PPP4R2: variants seen among roughly 807,000 people sequenced by gnomAD.
PPP4R2 encodes the protein protein phosphatase 4 regulatory subunit 2.
PPP4R2 carries 13 observed loss-of-function variants against 47.2 expected under a neutral mutation model. The ratio of observed to expected loss-of-function variants is 0.28; its 90% CI spans 0.18 to 0.44. The LOEUF is 0.44. Ranked by LOEUF, PPP4R2 falls within the 20% of genes least tolerant of loss-of-function variation. PPP4R2 has a pLI of 1.00. For synonymous variants in PPP4R2, 151 were observed against 163.3 expected (o/e 0.92, Z 0.57); for missense variants, 421 against 491.2 (o/e 0.86, Z 1.35).
intron 5 of PPP4R2, chr3:73,061,931 C>T: frequency 3.3e-6 from 2 of 598,780 alleles, no homozygotes; most frequent in South Asian, 2.2e-5. Flanking sequence ...TAAAATAATC[C>T]CATACTATAT....
rs1703042632 is a variant in PPP4R2, at chr3:73,068,330, C to A, written c.*2608C>A. The A allele has an allele frequency of 6.6e-6, 1 of 151,672 alleles. No individual in the cohort carries two copies. The highest frequency in any genetic ancestry group is 1.5e-5 in the Non-Finnish European group (1 of 67,964). The allele number at this position is 151,672 out of a possible 1,614,324, so 9.4% of individuals were successfully genotyped here. A position where few individuals can be genotyped will look rare whatever the true frequency, so the allele number is the denominator to read the frequency against. On this transcript the variant is annotated 3_prime_UTR_variant, in exon 9 of 9. Transcript: ENST00000356692. Reference sequence around the variant, plus strand: ...ACCTGTTCTCTAGACTATAACCCAACATGTAAAAAAAATTTGAAGATGGTG... The same window carrying A: ...ACCTGTTCTCTAGACTATAACCCAAAATGTAAAAAAAATTTGAAGATGGTG...
chr3:72,998,662 T>A (rs1002851549), intron 2 of PPP4R2, among the ~76,000 whole-genome samples: 6 of 152,236 alleles, frequency 3.9e-5, no homozygotes, highest in African/African-American at 1.4e-4. Context: ...TTCCAGATGC[T>A]ACAGTTTTGA....
intron 2 of PPP4R2, among the ~76,000 whole-genome samples, chr3:73,012,638 C>T (rs976464960): frequency 1.3e-5 from 2 of 152,114 alleles, no homozygotes; most frequent in African/African-American, 2.4e-5. Flanking sequence ...TGGTTGGATT[C>T]GCGAATGTGG....
rs373207729 is a variant in PPP4R2, at chr3:73,055,898, G to C, written c.288-3139G>C. ...TGGGATTACAGGCGTGAGCCACCGTGCCTGGCCCAGGGTTTTTTATTTTAC... is the reference window on the plus strand; with the variant it reads ...TGGGATTACAGGCGTGAGCCACCGTCCCTGGCCCAGGGTTTTTTATTTTAC... On this transcript the variant is annotated intron_variant, in intron 3 of 8. Transcript: ENST00000356692. 2.4e-4 allele frequency among the ~76,000 whole-genome samples: 36 copies of C among 152,228 alleles called. 1 individual carries two copies. Among genetic ancestry groups the C allele is most frequent in the African/African-American group, 8.4e-4 (35 of 41,540 alleles).
chr3:72,999,503 T>G (rs1168726728), intron 2 of PPP4R2, among the ~76,000 whole-genome samples: 1 of 152,260 alleles, frequency 6.6e-6, no homozygotes, highest in East Asian at 1.9e-4. Flanking sequence ...GGCTGTTTTT[T>G]GATATACAAG....
At chr3:73,031,462 GAA>G (rs1702162668) in intron 2 of PPP4R2, among the ~76,000 whole-genome samples, 1 of 152,136 alleles carries the variant, frequency 6.6e-6, no homozygotes, top group Non-Finnish European at 1.5e-5. Context: ...AGAACCACTT[GAA>G]CCAGGAGGTG....
At chr3:73,009,599 C>G (rs1701682076) in intron 2 of PPP4R2, among the ~76,000 whole-genome samples, 1 of 151,878 alleles carries the variant, frequency 6.6e-6, no homozygotes, top group Non-Finnish European at 1.5e-5. Flanking sequence ...TGCTTCAAAA[C>G]ATCATTAGTA....
chr3:73,028,691 G>T (rs1423450523), intron 2 of PPP4R2, among the ~76,000 whole-genome samples: 1 of 152,034 alleles, frequency 6.6e-6, no homozygotes, highest in Non-Finnish European at 1.5e-5. Flanking sequence ...GCCCGCCTAG[G>T]CCTCCCAAAG....
rs183873375 is a variant in PPP4R2 at position 73,051,735 on chromosome 3, C to T, written c.287+4379C>T. Among the ~76,000 whole-genome samples, 321 of 152,274 alleles carry T rather than the reference C, an allele frequency of 2.1e-3. 1 individual carries two copies. The highest frequency in any genetic ancestry group is 3.8e-3 in the Non-Finnish European group (261 of 68,022). On this transcript the variant is annotated intron_variant, in intron 3 of 8. Coordinates refer to ENST00000356692, the MANE Select transcript of PPP4R2 (RefSeq NM_174907.4). ...CCGCCTCCCGGGTTCATGCCATTCT[C>T]CTGCCTCAGCCTCCCCAGTAGCTGG...
Position 73,065,082 on chromosome 3 carries a change from G to A in PPP4R2, c.869G>A (p.Arg290His), listed in dbSNP as rs201957466. Residue 290 changes from arginine to histidine, a missense_variant, in exon 8 of 9, where the codon CGT (arginine) becomes CAT (histidine). By Grantham distance (29) the Arg-to-His change is conservative. This residue lies in a region of PPP4R2 where 317 missense variants were observed against 287.5 expected (regional missense o/e 1.10). Transcript: ENST00000356692. ...SSSQDKDKDS[R>H]CTRQHCTEED... ...TCTCAGGATAAAGACAAAGATAGCC[G>A]TTGTACCCGGCAGCACTGTACAGAA... 2.1e-5 allele frequency: 34 copies of A among 1,613,974 alleles called. 1 individual carries two copies. Among genetic ancestry groups the A allele is most frequent in the Middle Eastern group, 1.6e-4 (1 of 6,062 alleles).
At chr3:73,007,775 C>T (rs1701642825) in intron 2 of PPP4R2, among the ~76,000 whole-genome samples, 1 of 152,194 alleles carries the variant, frequency 6.6e-6, no homozygotes, top group Non-Finnish European at 1.5e-5. Flanking sequence ...AGGTGTGAGC[C>T]ACCGCGCCCG....
intron 2 of PPP4R2, among the ~76,000 whole-genome samples, chr3:73,033,793 T>C (rs1453814603): frequency 6.6e-6 from 1 of 152,242 alleles, no homozygotes; most frequent in Non-Finnish European, 1.5e-5. Context: ...CGTGTCTGGC[T>C]TATTTTACTT....
rs1395029738 is a variant in PPP4R2, at chr3:73,067,154, A to G, written c.*1432A>G. The G allele has an allele frequency of 6.6e-6, 1 of 152,124 alleles. No homozygotes were observed. The highest frequency in any genetic ancestry group is 6.5e-5 in the Admixed American group (1 of 15,276). 9.4% of individuals were successfully genotyped at this position (152,124 alleles called of 1,614,324 possible). A position where few individuals can be genotyped will look rare whatever the true frequency, so the allele number is the denominator to read the frequency against. ...TAAACTGAATGCTTGGGCTTTCAAT[A>G]CAGTATTCATATAAAGCAATAAATA... On this transcript the variant is annotated 3_prime_UTR_variant, in exon 9 of 9. Transcript: ENST00000356692.
chr3:73,014,833 A>G, intron 2 of PPP4R2: 1 of 419,686 alleles, frequency 2.4e-6, no homozygotes. Context: ...TAAATCTAGC[A>G]TTGCTTTATC....
intron 2 of PPP4R2, among the ~76,000 whole-genome samples, chr3:73,030,301 G>T (rs1702144760): frequency 6.6e-6 from 1 of 152,174 alleles, no homozygotes; most frequent in Non-Finnish European, 1.5e-5. Flanking sequence ...TATGATAACA[G>T]GTGGGAGTTC....
intron 2 of PPP4R2, among the ~76,000 whole-genome samples, chr3:73,011,953 C>T (rs9845153): frequency 1.3e-5 from 2 of 151,854 alleles, no homozygotes; most frequent in South Asian, 2.1e-4. Flanking sequence ...AAGGAAAGTG[C>T]GAGGTCTTAA....
chr3:73,035,783 G>A (rs1358171048), intron 2 of PPP4R2, among the ~76,000 whole-genome samples: 8 of 151,918 alleles, frequency 5.3e-5, no homozygotes, highest in African/African-American at 1.9e-4. Flanking sequence ...ACACCACAAC[G>A]CCTGGCTAAT....
chr3:73,010,072 A>G (rs903145006), intron 2 of PPP4R2, among the ~76,000 whole-genome samples: 5 of 152,250 alleles, frequency 3.3e-5, no homozygotes, highest in African/African-American at 1.2e-4. Context: ...ACCATTGACT[A>G]TAAAGTGAAT....
chr3:73,026,227 T>C (rs1174315519), intron 2 of PPP4R2, among the ~76,000 whole-genome samples: 1 of 152,180 alleles, frequency 6.6e-6, no homozygotes, highest in East Asian at 1.9e-4. Flanking sequence ...GTTTTTCTTT[T>C]CTCCTAAATT....
Sources: allele counts gnomAD v4.1 joint callset (sites outside exome capture counted in the v4.1 genomes callset), GRCh38; gene constraint gnomAD v4.1.1; regional missense constraint gnomAD v4.1.1; transcripts MANE v1.5; gene names NCBI Gene and HGNC (gene_info 2026-07-23, HGNC 2026-07-21).